ARHGEF7: variants seen among roughly 807,000 people sequenced by gnomAD.
ARHGEF7 encodes the protein Rho guanine nucleotide exchange factor 7, also known as PAK-interacting exchange factor beta.
ARHGEF7 carries 33 observed loss-of-function variants against 109.8 expected under a neutral mutation model. The ratio of observed to expected loss-of-function variants is 0.30; its 90% CI spans 0.23 to 0.40. The LOEUF (loss-of-function observed/expected upper bound fraction) is 0.40, where lower values mean the gene tolerates loss of function less well. ARHGEF7 is among the 10% of genes least tolerant of loss of function. The pLI, the probability that ARHGEF7 is intolerant of heterozygous loss-of-function variation, is 1.00. For synonymous variants in ARHGEF7, 458 were observed against 424.6 expected (o/e 1.08, Z -0.97); for missense variants, 938 against 1,098.5 (o/e 0.85, Z 2.07).
intron 2 of ARHGEF7, among the ~76,000 whole-genome samples, chr13:111,183,955 A>AT (rs2079001698): frequency 6.6e-6 from 1 of 152,002 alleles, no homozygotes; most frequent in African/African-American, 2.4e-5. Flanking sequence ...GTGGGACTGC[A>AT]TTTTTTAACC....
intron 1 of ARHGEF7, among the ~76,000 whole-genome samples, chr13:111,126,410 A>T (rs1446954004): frequency 6.6e-6 from 1 of 151,978 alleles, no homozygotes; most frequent in East Asian, 1.9e-4. Context: ...GAATCACCTG[A>T]ATCCGAGAGA....
At chr13:111,220,011 G>A (rs954068944) in intron 5 of ARHGEF7, among the ~76,000 whole-genome samples, 2 of 152,222 alleles carry the variant, frequency 1.3e-5, no homozygotes, top group African/African-American at 2.4e-5. Flanking sequence ...GTTAGGAGAT[G>A]CAGTTTAGTC....
intron 2 of ARHGEF7, among the ~76,000 whole-genome samples, chr13:111,167,250 A>G (rs1192334492): frequency 6.6e-6 from 1 of 152,200 alleles, no homozygotes; most frequent in Non-Finnish European, 1.5e-5. Flanking sequence ...GGCTATTTGT[A>G]CGTGAGCTTA....
At chr13:111,174,104 C>A (rs1164266) in intron 2 of ARHGEF7, among the ~76,000 whole-genome samples, 150,747 of 152,316 alleles carry the variant, frequency 0.99, 74,617 homozygotes, top group Middle Eastern at 1. Context: ...AGGTAGAATC[C>A]GTGTTAGCTT....
intron 4 of ARHGEF7, among the ~76,000 whole-genome samples, chr13:111,216,847 A>G (rs1409499233): frequency 6.6e-6 from 1 of 152,190 alleles, no homozygotes; most frequent in Admixed American, 6.5e-5. Context: ...CAGCCTCCAG[A>G]GCTCTGTCCG....
At chr13:111,216,787 A>C (rs905662584) in intron 4 of ARHGEF7, among the ~76,000 whole-genome samples, 3 of 152,200 alleles carry the variant, frequency 2.0e-5, no homozygotes, top group South Asian at 2.1e-4. Context: ...CGGCACGAGC[A>C]GGCTTCTCCT....
chr13:111,245,228 C>G (rs774245617), intron 8 of ARHGEF7, among the ~76,000 whole-genome samples: 1 of 152,120 alleles, frequency 6.6e-6, no homozygotes, highest in African/African-American at 2.4e-5. Context: ...TGTAGTGGAT[C>G]AGACTGGCAC....
At position 111,221,360 on chromosome 13, in the gene ARHGEF7, T is replaced by TATCTATATAG. The variant is rs2084028256; in HGVS notation, c.670+3482_670+3483insCTATATAGAT. Reference sequence around the variant, plus strand: ...ATATATCTATATATATGTCTATATATATATCTATATATATATCTATATATA... The same window carrying TATCTATATAG: ...ATATATCTATATATATGTCTATATATATCTATATAGATATCTATATATATATCTATATATA... On this transcript the variant is annotated intron_variant, in intron 5 of 21. Transcript: ENST00000646102. 5.6e-4 allele frequency among the ~76,000 whole-genome samples: 10 copies of TATCTATATAG among 17,770 alleles called. 3 individuals are homozygous for TATCTATATAG. Among genetic ancestry groups the TATCTATATAG allele is most frequent in the African/African-American group, 1.3e-3 (10 of 7,816 alleles). 11.7% of individuals were successfully genotyped at this position (17,770 alleles called of 152,430 possible).
In ARHGEF7 at chr13:111,280,541, G is replaced by A; in HGVS notation, c.1589G>A (p.Ser530Asn). Reference protein sequence around the residue: ...NHRNAFEISGSMIERILVSCN... With the variant: ...NHRNAFEISGNMIERILVSCN... ...ATTTTTTCCTTCTCTCCTATAGGGA[G>A]CATGATTGAGCGGATATTAGTGTCG... The change falls in exon 15 of 22, where the codon AGC becomes AAC. Residue 530 changes from serine (S) to asparagine (N), a missense_variant. Physicochemically the swap from Ser to Asn is conservative, Grantham distance 46. Transcript: ENST00000646102. 1 of 1,604,002 alleles carries A rather than the reference G, an allele frequency of 6.2e-7. No individual in the cohort carries two copies. The highest frequency in any genetic ancestry group is 8.5e-7 in the Non-Finnish European group (1 of 1,175,786).
chr13:111,280,773 A>G (rs1156409348), intron 15 of ARHGEF7, 96 bp downstream of exon 15: 18 of 1,335,330 alleles, frequency 1.3e-5, no homozygotes, highest in Admixed American at 5.3e-5. Context: ...AACCTAATCA[A>G]TATTTGGATA....
At chr13:111,293,705 A>G (rs2093356737) in intron 19 of ARHGEF7, 1 of 985,302 alleles carries the variant, frequency 1.0e-6, no homozygotes, top group Non-Finnish European at 1.2e-6. Flanking sequence ...GCCATAGTAA[A>G]TTGAGAATAA....
intron 2 of ARHGEF7, among the ~76,000 whole-genome samples, chr13:111,179,937 A>G (rs1485893573): frequency 6.6e-6 from 1 of 152,218 alleles, no homozygotes; most frequent in East Asian, 1.9e-4. Context: ...TCACTAGGTT[A>G]AAGTGATGTC....
rs544822509 is a variant in ARHGEF7, at chr13:111,221,705, A to G, written c.670+3825A>G. Among the ~76,000 whole-genome samples, 114 of 107,064 alleles carry G rather than the reference A, an allele frequency of 1.1e-3. 2 individuals carry two copies. Among genetic ancestry groups the G allele is most frequent in the African/African-American group, 3.5e-3 (111 of 31,758 alleles). The allele number at this position is 107,064 out of a possible 152,430, so 70.2% of individuals were successfully genotyped here. On this transcript the variant is annotated intron_variant, in intron 5 of 21. Coordinates refer to ENST00000646102, the MANE Select transcript of ARHGEF7 (RefSeq NM_001354046.2). ...CCTTAATAAACCCCTTGATATATCTATCTGTATCTATCTATATATACAGCT... is the reference window on the plus strand; with the variant it reads ...CCTTAATAAACCCCTTGATATATCTGTCTGTATCTATCTATATATACAGCT...
intron 1 of ARHGEF7, among the ~76,000 whole-genome samples, chr13:111,139,638 CAG>C (rs996281347): frequency 2.0e-5 from 3 of 152,176 alleles, no homozygotes; most frequent in East Asian, 1.9e-4. Flanking sequence ...TGGCGGCAGA[CAG>C]GGGCCTGATG....
chr13:111,294,632 A>G (rs2093384283), intron 19 of ARHGEF7: 6 of 985,438 alleles, frequency 6.1e-6, no homozygotes, highest in Non-Finnish European at 7.2e-6. Context: ...GTTAAGAAGT[A>G]TTAGTGCCAC....
chr13:111,153,970 C>T lies in ARHGEF7; in HGVS notation c.231C>T (p.Cys77=). Reference sequence around the variant, plus strand: ...ACATCCGCGAGTTCCTGCGCGGCTGCGGGGCTTCCCTGCGGCTGGAGGTGA... The same window carrying T: ...ACATCCGCGAGTTCCTGCGCGGCTGTGGGGCTTCCCTGCGGCTGGAGGTGA... ...LSNIREFLRG[C]GASLRLETFD... is the part of the protein sequence containing the mutation. The change falls in exon 2 of 22, where the codon TGC becomes TGT. Residue 77 remains cysteine (C), a synonymous_variant. Coordinates refer to ENST00000646102, the MANE Select transcript of ARHGEF7 (RefSeq NM_001354046.2). The T allele has an allele frequency of 6.2e-7, 1 of 1,603,258 alleles. No homozygotes were observed. Among genetic ancestry groups the T allele is most frequent in the Non-Finnish European group, 8.5e-7 (1 of 1,176,728 alleles).
At chr13:111,206,238 G>C (rs562218897) in intron 3 of ARHGEF7, among the ~76,000 whole-genome samples, 3 of 151,816 alleles carry the variant, frequency 2.0e-5, no homozygotes, top group East Asian at 1.9e-4. Flanking sequence ...TTCAGAGGGG[G>C]GGGTGTACTT....
chr13:111,132,078 G>A (rs534964441), intron 1 of ARHGEF7, among the ~76,000 whole-genome samples: 4 of 152,174 alleles, frequency 2.6e-5, no homozygotes, highest in Non-Finnish European at 5.9e-5. Flanking sequence ...TGAATGTTTG[G>A]TTAAGAGGAA....
chr13:111,236,551 T>TCC (rs1406553049), intron 6 of ARHGEF7, among the ~76,000 whole-genome samples: 6 of 152,272 alleles, frequency 3.9e-5, no homozygotes, highest in Non-Finnish European at 5.9e-5. Flanking sequence ...CTTCCCATAG[T>TCC]CACTGATGTC....
Sources: allele counts gnomAD v4.1 joint callset (sites outside exome capture counted in the v4.1 genomes callset), GRCh38; gene constraint gnomAD v4.1.1; transcripts MANE v1.5; gene names NCBI Gene and HGNC (gene_info 2026-07-23, HGNC 2026-07-21).